Variants in NAV1 observed in about 807,000 individuals in gnomAD.
NAV1 encodes the protein neuron navigator 1, also known as pore membrane and/or filament interacting like protein 3.
Under a neutral mutation model 175.2 loss-of-function variants are expected in NAV1, and 18 were observed. That is an observed-to-expected ratio of 0.10 (90% confidence interval 0.07 to 0.15). The LOEUF is 0.15. Ranked by LOEUF, NAV1 falls within the 10% of genes least tolerant of loss-of-function variation. NAV1 has a pLI of 1.00. For synonymous variants in NAV1, 897 were observed against 978.7 expected, an observed-to-expected ratio of 0.92 and a Z score of 1.56; for missense variants, 1,731 against 2,436.6, an observed-to-expected ratio of 0.71 and a Z score of 6.10.
chr1:201,628,337 G>A (rs1418716789), intron 1 of NAV1, among the ~76,000 whole-genome samples: 2 of 152,032 alleles, frequency 1.3e-5, no homozygotes, highest in African/African-American at 4.8e-5. Context: ...CTGAGCAGAA[G>A]CAGCAAACAC....
At chr1:201,770,981 C>T (rs1675539552) in intron 3 of NAV1, among the ~76,000 whole-genome samples, 1 of 152,072 alleles carries the variant, frequency 6.6e-6, no homozygotes, top group African/African-American at 2.4e-5. Context: ...CCCTCCAAAG[C>T]ACAAAAATCC....
chr1:201,681,740 AG>A (rs1004987885), intron 1 of NAV1, among the ~76,000 whole-genome samples: 1 of 152,014 alleles, frequency 6.6e-6, no homozygotes, highest in Non-Finnish European at 1.5e-5. Flanking sequence ...TGGGGGGCCG[AG>A]GGGGGCAGAT....
At chr1:201,765,213 C>T (rs1199328065) in intron 3 of NAV1, among the ~76,000 whole-genome samples, 1 of 152,110 alleles carries the variant, frequency 6.6e-6, no homozygotes, top group African/African-American at 2.4e-5. Flanking sequence ...TTTGCTTTAA[C>T]TCCTTTCTAA....
At chr1:201,558,129 T>C (rs1666086097) in intron 1 of NAV1, among the ~76,000 whole-genome samples, 1 of 152,212 alleles carries the variant, frequency 6.6e-6, no homozygotes, top group South Asian at 2.1e-4. Context: ...CCCACCACCC[T>C]CTGAAACTTC....
At chr1:201,703,120 A>AC (rs1456040425) in intron 1 of NAV1, among the ~76,000 whole-genome samples, 1 of 152,108 alleles carries the variant, frequency 6.6e-6, no homozygotes, top group East Asian at 1.9e-4. Context: ...TGCTGTGTAA[A>AC]CTGTTGCCAT....
chr1:201,562,600 G>A lies in NAV1; in HGVS notation c.-144+23258G>A, dbSNP rs114270565. Among the ~76,000 whole-genome samples the A allele has an allele frequency of 4.5e-3, 678 of 152,316 alleles. 7 individuals carry two copies. The highest frequency in any genetic ancestry group is 0.015 in the African/African-American group (623 of 41,564). On this transcript the variant is annotated intron_variant, in intron 1 of 33. Coordinates refer to the NAV1 transcript ENST00000685211. Reference sequence around the variant, plus strand: ...ACACTGTATGGTCTGAAAGGATCCCGGCAGGACTGATCACTTTTGAAACTG... The same window carrying A: ...ACACTGTATGGTCTGAAAGGATCCCAGCAGGACTGATCACTTTTGAAACTG...
chr1:201,674,632 G>A (rs1670173320), intron 1 of NAV1, among the ~76,000 whole-genome samples: 1 of 152,222 alleles, frequency 6.6e-6, no homozygotes, highest in Non-Finnish European at 1.5e-5. Context: ...GCCTCAGGGA[G>A]CATTTACTTA....
rs369805821 is a variant in NAV1 at position 201,809,137 on chromosome 1, C to G, written c.4208-27C>G. 29 of 1,606,120 alleles carry G rather than the reference C, an allele frequency of 1.8e-5. No homozygotes were observed. The Middle Eastern group carries it at 5.0e-4, about 28-fold the overall frequency. On this transcript the variant is annotated intron_variant, in intron 20 of 29. Coordinates refer to ENST00000367296, the Ensembl canonical transcript of NAV1. The stretch of plus-strand genomic sequence containing the variant: ...GGAAAGGCTGCGGGTACTCCTAAAA[C>G]CAGTTGGTTCTTTTCAATCCCCACA...
At chr1:201,642,557 T>TTTTCTTTCTTTCTTTCTTTCTTTCTTTC (rs1467631961) in intron 2 of NAV1, among the ~76,000 whole-genome samples, 4 of 106,098 alleles carry the variant, frequency 3.8e-5, no homozygotes, top group Non-Finnish European at 7.6e-5. Flanking sequence ...TTCTTTCTTT[T>TTTTCTTTCTTTCTTTCTTTCTTTCTTTC]TTCCCTTTCT....
intron 2 of NAV1, among the ~76,000 whole-genome samples, chr1:201,630,242 A>C (rs1381087692): frequency 6.6e-6 from 1 of 152,230 alleles, no homozygotes; most frequent in Non-Finnish European, 1.5e-5. Context: ...GAGGATGGCT[A>C]TGATTCACAC....
chr1:201,590,483 C>T (rs891535830), intron 2 of NAV1, among the ~76,000 whole-genome samples: 1 of 150,900 alleles, frequency 6.6e-6, no homozygotes, highest in African/African-American at 2.4e-5. Flanking sequence ...AGTCGTTTAA[C>T]TACCATCACA....
chr1:201,649,156 C>A (rs986162199), exon 1 of NAV1: 1 of 1,611,848 alleles, frequency 6.2e-7, no homozygotes, highest in Non-Finnish European at 8.5e-7. Context: ...CCCCTGGCTC[C>A]GCTCGCGCCC....
chr1:201,687,876 G>A (rs1670745673), intron 1 of NAV1, among the ~76,000 whole-genome samples: 1 of 152,162 alleles, frequency 6.6e-6, no homozygotes, highest in African/African-American at 2.4e-5. Context: ...GGGGGAAGAT[G>A]GGGAATCAAA....
At chr1:201,661,230 A>G (rs1375269398) in intron 1 of NAV1, among the ~76,000 whole-genome samples, 3 of 152,144 alleles carry the variant, frequency 2.0e-5, no homozygotes, top group East Asian at 3.9e-4. Flanking sequence ...ACATCAGTCT[A>G]GCAATGGTCC....
At chr1:201,571,918 G>GT (rs1405431584) in intron 1 of NAV1, among the ~76,000 whole-genome samples, 1 of 152,134 alleles carries the variant, frequency 6.6e-6, no homozygotes. Context: ...TGATACTCTG[G>GT]TATAACCATC....
intron 1 of NAV1, among the ~76,000 whole-genome samples, chr1:201,570,937 C>G (rs1331292072): frequency 6.6e-6 from 1 of 152,268 alleles, no homozygotes; most frequent in Non-Finnish European, 1.5e-5. Flanking sequence ...GCTAAGGCAA[C>G]AAAGCTATCT....
At chr1:201,646,916 GGAGAGTGTGTGAACCAT>G (rs1340865854), upstream of NAV1, among the ~76,000 whole-genome samples, 3 of 152,218 alleles carry the variant, frequency 2.0e-5, no homozygotes, top group African/African-American at 4.8e-5. Context: ...ATTAGTGTTA[GGAGAGTGTGTGAACCAT>G]GAGACTCACA....
intron 2 of NAV1, among the ~76,000 whole-genome samples, chr1:201,629,758 TG>T (rs1165274769): frequency 6.6e-6 from 1 of 152,088 alleles, no homozygotes; most frequent in Non-Finnish European, 1.5e-5. Flanking sequence ...TCACTGCATG[TG>T]TGTGTCATGT....
At chr1:201,604,126 G>C (rs1276465441) in intron 2 of NAV1, among the ~76,000 whole-genome samples, 1 of 152,174 alleles carries the variant, frequency 6.6e-6, no homozygotes, top group South Asian at 2.1e-4. Flanking sequence ...CACGATCACT[G>C]CTCACTGCAG....
Sources: allele counts gnomAD v4.1 joint callset (sites outside exome capture counted in the v4.1 genomes callset), GRCh38; gene constraint gnomAD v4.1.1; transcripts MANE v1.5; gene names NCBI Gene and HGNC (gene_info 2026-07-23, HGNC 2026-07-21).